The following SLC2A9 variants were observed in gnomAD, a reference collection of about 807,000 sequenced individuals.
SLC2A9 encodes solute carrier family 2, facilitated glucose transporter member 9.
Under a neutral mutation model 50.6 loss-of-function variants are expected in SLC2A9, and 39 were observed. That is an observed-to-expected ratio of 0.77 (90% CI 0.60 to 1.01). SLC2A9 has a LOEUF of 1.01. Ranked by LOEUF, SLC2A9 falls within the 50% of genes least tolerant of loss-of-function variation. SLC2A9 has a pLI of 0.00. For missense variants in SLC2A9, 686 were observed against 677.6 expected (o/e 1.01, Z -0.14); for synonymous variants, 324 against 276.9 (o/e 1.17, Z -1.69).
At chr4:9,896,396 G>A (rs1040135284) in intron 8 of SLC2A9, among the ~76,000 whole-genome samples, 2 of 152,114 alleles carry the variant, frequency 1.3e-5, no homozygotes, top group African/African-American at 4.8e-5. Context: ...TGATGTTTTG[G>A]AACTCTTCTT....
At chr4:9,800,882 T>C (rs1335375396) in intron 3 of SLC2A9, among the ~76,000 whole-genome samples, 1 of 152,086 alleles carries the variant, frequency 6.6e-6, no homozygotes, top group Non-Finnish European at 1.5e-5. Flanking sequence ...CTGAAACCAA[T>C]AGCCATGGAT....
chr4:9,881,290 C>G (rs1007733471), intron 10 of SLC2A9, among the ~76,000 whole-genome samples: 1 of 152,216 alleles, frequency 6.6e-6, no homozygotes, highest in Non-Finnish European at 1.5e-5. Context: ...CTTGGTTGGC[C>G]TTCAGTGCAG....
chr4:9,856,778 C>T (rs566497898), intron 10 of SLC2A9, among the ~76,000 whole-genome samples: 2 of 152,276 alleles, frequency 1.3e-5, no homozygotes, highest in South Asian at 2.1e-4. Flanking sequence ...GAATACTATG[C>T]AGCCATAAAA....
chr4:10,023,187 G>A (rs899475388), upstream of SLC2A9, among the ~76,000 whole-genome samples: 1 of 152,240 alleles, frequency 6.6e-6, no homozygotes, highest in African/African-American at 2.4e-5. Flanking sequence ...TACGGGGTGA[G>A]AGGACAAGGA....
At chr4:9,858,052 T>C (rs1240965620) in intron 10 of SLC2A9, among the ~76,000 whole-genome samples, 1 of 152,238 alleles carries the variant, frequency 6.6e-6, no homozygotes, top group Non-Finnish European at 1.5e-5. Flanking sequence ...GTCACTCTAA[T>C]AGTATCACAA....
intron 5 of SLC2A9, among the ~76,000 whole-genome samples, chr4:9,950,892 C>CAAAAAAAAAAAAAAA (rs764863059): frequency 1.7e-4 from 2 of 11,554 alleles, no homozygotes; most frequent in Non-Finnish European, 3.0e-4. Context: ...GACTCCGTCT[C>CAAAAAAAAAAAAAAA]AAAAAAAAAA....
At chr4:9,805,077 C>G (rs1254901595) in intron 3 of SLC2A9, among the ~76,000 whole-genome samples, 4 of 152,202 alleles carry the variant, frequency 2.6e-5, no homozygotes, top group Non-Finnish European at 4.4e-5. Flanking sequence ...GCCTGCAGAT[C>G]TCCTGCCTGT....
chr4:9,820,681 G>C (rs986942205), intron 3 of SLC2A9, among the ~76,000 whole-genome samples: 1 of 152,128 alleles, frequency 6.6e-6, no homozygotes. Flanking sequence ...ATTTAACCAA[G>C]TATTTCTTGT....
At chr4:9,825,518 C>T (rs1276339903), downstream of SLC2A9, among the ~76,000 whole-genome samples, 1 of 105,292 alleles carries the variant, frequency 9.5e-6, no homozygotes, top group African/African-American at 3.6e-5. Context: ...GCAGAGATCA[C>T]CAATTAATCA....
intron 1 of SLC2A9, 39 bp downstream of exon 1, chr4:10,021,241 A>G (rs377346852): frequency 4.0e-5 from 65 of 1,606,502 alleles, no homozygotes; most frequent in Non-Finnish European, 5.4e-5. Context: ...TGCCTTCCCC[A>G]CAGCCCGCCA....
At chr4:9,962,370 T>C (rs1377814556) in intron 5 of SLC2A9, among the ~76,000 whole-genome samples, 3 of 152,206 alleles carry the variant, frequency 2.0e-5, no homozygotes, top group African/African-American at 7.2e-5. Flanking sequence ...ATATATACTA[T>C]GGAATACTAT....
exon 4 of SLC2A9, chr4:9,779,811 T>C (rs776752573): frequency 1.1e-4 from 17 of 152,222 alleles, no homozygotes; most frequent in Non-Finnish European, 2.1e-4. Flanking sequence ...ATATGGGACA[T>C]GTCAGTACTT....
chr4:9,780,762 G>A (rs1266801044), intron 3 of SLC2A9, among the ~76,000 whole-genome samples: 2 of 152,174 alleles, frequency 1.3e-5, no homozygotes, highest in Non-Finnish European at 2.9e-5. Context: ...CAGGAACACT[G>A]TTTTCCCTCT....
At chr4:9,812,256 C>G (rs1722984782) in intron 3 of SLC2A9, among the ~76,000 whole-genome samples, 1 of 152,158 alleles carries the variant, frequency 6.6e-6, no homozygotes, top group Admixed American at 6.5e-5. Flanking sequence ...TTCAGCTGCA[C>G]TTTATTTAGC....
chr4:9,931,985 T>TATATATATATATATATACAC (rs1553879027), intron 6 of SLC2A9, among the ~76,000 whole-genome samples: 9 of 95,682 alleles, frequency 9.4e-5, no homozygotes, highest in African/African-American at 2.2e-4. Flanking sequence ...TATATATATA[T>TATATATATATATATATACAC]ATATATATAT....
At chr4:9,781,499 G>T (rs566305600) in intron 3 of SLC2A9, among the ~76,000 whole-genome samples, 1 of 151,950 alleles carries the variant, frequency 6.6e-6, no homozygotes, top group South Asian at 2.1e-4. Flanking sequence ...GGACCTGCGG[G>T]ATCGCCCCTA....
intron 1 of SLC2A9, among the ~76,000 whole-genome samples, chr4:10,039,589 A>T (rs1764214449): frequency 6.6e-6 from 1 of 152,074 alleles, no homozygotes; most frequent in Non-Finnish European, 1.5e-5. Flanking sequence ...CTTCTCCTGG[A>T]TCCCCACATT....
intron 1 of SLC2A9, among the ~76,000 whole-genome samples, chr4:10,039,508 C>T (rs1236226698): frequency 2.6e-5 from 4 of 152,234 alleles, no homozygotes; most frequent in East Asian, 1.9e-4. Context: ...TGAACAATAA[C>T]ATCAAACACC....
At chr4:9,853,240 C>T (rs1332111237) in intron 10 of SLC2A9, among the ~76,000 whole-genome samples, 1 of 151,014 alleles carries the variant, frequency 6.6e-6, no homozygotes, top group African/African-American at 2.4e-5. Context: ...CAACTATATG[C>T]TGTCTTCAAG....
Sources: allele counts gnomAD v4.1 joint callset (sites outside exome capture counted in the v4.1 genomes callset), GRCh38; gene constraint gnomAD v4.1.1; transcripts MANE v1.5; gene names NCBI Gene and HGNC (gene_info 2026-07-23, HGNC 2026-07-21).